DIS3L2: variants seen among roughly 807,000 people sequenced by gnomAD.
DIS3L2 encodes the protein DIS3-like exonuclease 2.
Under a neutral mutation model 97.5 loss-of-function variants are expected in DIS3L2, and 34 were observed. The observed-to-expected ratio is 0.35, with a 90% confidence interval of 0.27 to 0.46. The LOEUF is 0.46. Among genes scored for constraint, DIS3L2 ranks in the 20% least tolerant of loss-of-function variants. DIS3L2 has a pLI of 1.00. For missense variants in DIS3L2, 1,038 were observed against 1,146.0 expected (o/e 0.91, Z 1.36); for synonymous variants, 435 against 445.2 (o/e 0.98, Z 0.29).
intron 5 of DIS3L2, among the ~76,000 whole-genome samples, chr2:232,079,351 C>G (rs558723792): frequency 5.3e-5 from 8 of 152,066 alleles, no homozygotes; most frequent in African/African-American, 1.9e-4. Flanking sequence ...AATCCCAGCA[C>G]TTTGGGAGGC....
intron 10 of DIS3L2, among the ~76,000 whole-genome samples, chr2:232,230,768 C>T (rs1409630498): frequency 6.6e-6 from 1 of 152,118 alleles, no homozygotes; most frequent in Non-Finnish European, 1.5e-5. Flanking sequence ...GGTGGCTTCC[C>T]ATTGCACTTG....
At chr2:232,018,022 T>C (rs554237564) in intron 3 of DIS3L2, among the ~76,000 whole-genome samples, 1 of 152,338 alleles carries the variant, frequency 6.6e-6, no homozygotes, top group South Asian at 2.1e-4. Flanking sequence ...ACATTTATAT[T>C]GAATAAATAC....
intron 5 of DIS3L2, among the ~76,000 whole-genome samples, chr2:232,052,462 G>T (rs1021648798): frequency 1.3e-5 from 2 of 152,148 alleles, no homozygotes; most frequent in African/African-American, 4.8e-5. Flanking sequence ...GCTCAGACTG[G>T]AGTCTTTTAG....
rs570407083 is a variant in DIS3L2, at chr2:232,084,007, A to G, written c.367-3480A>G. 1.5e-3 allele frequency among the ~76,000 whole-genome samples: 232 copies of G among 152,274 alleles called. 1 individual carries two copies. The highest frequency in any genetic ancestry group is 3.3e-3 in the Admixed American group (50 of 15,292). On this transcript the variant is annotated intron_variant, in intron 5 of 20. Coordinates refer to ENST00000325385, the MANE Select transcript of DIS3L2 (RefSeq NM_152383.5). ...CCTGTGCTTAGGCTGCTCTGACAGT[A>G]CCCAAGGTTGTATTAGTTCTTTGAG...
Position 232,325,036 on chromosome 2 carries a change from G to T in DIS3L2, c.1740-4777G>T, listed in dbSNP as rs1180405312. On this transcript the variant is annotated intron_variant, in intron 14 of 20. Transcript: ENST00000325385. This position sits in a 1 kb window ranked among gnomAD's most constrained non-coding sequence, Gnocchi z 4.6. Reference sequence around the variant, plus strand: ...CCAGCCCCAGCCTTTCAGCTGAGCAGAGAAATACTCAGATCCAGTTCCTCG... The same window carrying T: ...CCAGCCCCAGCCTTTCAGCTGAGCATAGAAATACTCAGATCCAGTTCCTCG... 6.6e-6 allele frequency among the ~76,000 whole-genome samples: 1 copy of T among 152,238 alleles called. No individual in the cohort carries two copies. Among genetic ancestry groups the T allele is most frequent in the African/African-American group, 2.4e-5 (1 of 41,472 alleles).
intron 5 of DIS3L2, among the ~76,000 whole-genome samples, chr2:232,074,647 C>A (rs1349108558): frequency 7.1e-6 from 1 of 140,006 alleles, no homozygotes; most frequent in Non-Finnish European, 1.5e-5. Flanking sequence ...AGCAGTGACA[C>A]AATCACAGCT....
Position 232,056,578 on chromosome 2 carries a change from T to C in DIS3L2, c.366+26498T>C, listed in dbSNP as rs377257433. ...ATTTATAAAGAATTCCCTGACATAA[T>C]TGAGAAAAAAAACAGACAACAAATA... On this transcript the variant is annotated intron_variant, in intron 5 of 20. Coordinates refer to ENST00000325385, the MANE Select transcript of DIS3L2 (RefSeq NM_152383.5). 1.9e-4 allele frequency among the ~76,000 whole-genome samples: 29 copies of C among 152,070 alleles called. No individual in the cohort carries two copies. The South Asian group carries it at 5.8e-3, about 31-fold the overall frequency.
chr2:232,234,145 T>C (rs1692871526), intron 10 of DIS3L2, among the ~76,000 whole-genome samples: 1 of 152,230 alleles, frequency 6.6e-6, no homozygotes, highest in South Asian at 2.1e-4. Flanking sequence ...GCAAAGGATC[T>C]GAACCCAACC....
chr2:232,070,232 C>T lies in DIS3L2; in HGVS notation c.367-17255C>T, dbSNP rs184317000. On this transcript the variant is annotated intron_variant, in intron 5 of 20. Coordinates refer to ENST00000325385, the MANE Select transcript of DIS3L2 (RefSeq NM_152383.5). ...AGTGAGCCAAGATCGTGCCACTGCA[C>T]GCCAGCCTGGGCAACAGAGGTGAGA... Among the ~76,000 whole-genome samples, 12 of 152,258 alleles carry T rather than the reference C, an allele frequency of 7.9e-5. No homozygotes were observed. In the East Asian group the frequency reaches 1.2e-3, roughly 15 times the overall value.
At position 232,243,690 on chromosome 2, in the gene DIS3L2, G is replaced by C. The variant is rs115809895; in HGVS notation, c.1317+5045G>C. 5.6e-3 allele frequency among the ~76,000 whole-genome samples: 846 copies of C among 152,310 alleles called. 5 individuals carry two copies. The highest frequency in any genetic ancestry group is 0.02 in the Middle Eastern group (6 of 294). On this transcript the variant is annotated intron_variant, in intron 11 of 20. Coordinates refer to ENST00000325385, the MANE Select transcript of DIS3L2 (RefSeq NM_152383.5). Reference sequence around the variant, plus strand: ...AGCATTTCAGTTACTTCAAATTGTAGTTTCTTCCCAATTCTGGCAATGCAT... The same window carrying C: ...AGCATTTCAGTTACTTCAAATTGTACTTTCTTCCCAATTCTGGCAATGCAT...
intron 9 of DIS3L2, among the ~76,000 whole-genome samples, chr2:232,171,350 C>A (rs1372172144): frequency 1.3e-5 from 2 of 152,172 alleles, no homozygotes; most frequent in African/African-American, 4.8e-5. Flanking sequence ...TTGCAACTTT[C>A]TGAACTAGGT....
At chr2:232,248,014 C>T (rs1209412352) in intron 11 of DIS3L2, among the ~76,000 whole-genome samples, 1 of 152,188 alleles carries the variant, frequency 6.6e-6, no homozygotes, top group Admixed American at 6.5e-5. Flanking sequence ...TGTTAAAAGA[C>T]ATGACATTCT....
At chr2:232,238,375 G>A (rs991673798) in intron 10 of DIS3L2, among the ~76,000 whole-genome samples, 158 bp from the exon 11 acceptor site, 1 of 152,202 alleles carries the variant, frequency 6.6e-6, no homozygotes, top group Non-Finnish European at 1.5e-5. Context: ...GGGTCACAGA[G>A]GGAGGTGGCC....
chr2:232,129,153 T>G (rs1698152628), intron 6 of DIS3L2, among the ~76,000 whole-genome samples: 1 of 152,244 alleles, frequency 6.6e-6, no homozygotes, highest in East Asian at 1.9e-4. Context: ...GAAAGCTGTT[T>G]GCCCAGGATT....
chr2:232,329,238 T>G (rs1559215764), intron 14 of DIS3L2: 1 of 152,446 alleles, frequency 6.6e-6, no homozygotes, highest in Non-Finnish European at 1.5e-5. Flanking sequence ...GTTGGGAGGC[T>G]TCCCTCCAAC....
chr2:232,142,172 T>G (rs1330433616), intron 8 of DIS3L2, among the ~76,000 whole-genome samples: 1 of 151,934 alleles, frequency 6.6e-6, no homozygotes, highest in Non-Finnish European at 1.5e-5. Flanking sequence ...TTTCAAGGGG[T>G]ATGGACCTGG....
chr2:232,191,735 G>C (rs1199613752), intron 9 of DIS3L2, among the ~76,000 whole-genome samples: 1 of 152,178 alleles, frequency 6.6e-6, no homozygotes, highest in Non-Finnish European at 1.5e-5. Flanking sequence ...AGAATCAAGA[G>C]TTTCAAATTG....
chr2:232,263,980 C>T (rs970418680), intron 13 of DIS3L2, among the ~76,000 whole-genome samples: 4 of 152,208 alleles, frequency 2.6e-5, no homozygotes, highest in South Asian at 2.1e-4. Context: ...TGTAGAACAG[C>T]GGTCCCATTG....
intron 10 of DIS3L2, among the ~76,000 whole-genome samples, chr2:232,217,275 G>C (rs1293326479): frequency 6.6e-6 from 1 of 152,186 alleles, no homozygotes; most frequent in East Asian, 1.9e-4. Flanking sequence ...TGACGGAGTG[G>C]TGAAGGAGAT....
Sources: allele counts gnomAD v4.1 joint callset (sites outside exome capture counted in the v4.1 genomes callset), GRCh38; gene constraint gnomAD v4.1.1; non-coding constraint Gnocchi (gnomAD v3.1); transcripts MANE v1.5; gene names NCBI Gene and HGNC (gene_info 2026-07-23, HGNC 2026-07-21).